Variants in ZFAND3 observed in about 807,000 individuals in gnomAD.
ZFAND3 encodes the protein zinc finger AN1-type containing 3, also known as AN1-type zinc finger protein 3.
A neutral mutation model predicts 29.6 loss-of-function variants in ZFAND3; 10 were observed. That is an observed-to-expected ratio of 0.34 (90% CI 0.21 to 0.57). ZFAND3 has a LOEUF of 0.57. Among genes scored for constraint, ZFAND3 ranks in the 20% least tolerant of loss-of-function variants. ZFAND3 has a pLI of 0.86. For missense variants in ZFAND3, 230 were observed against 304.5 expected, an observed-to-expected ratio of 0.76 and a Z score of 1.82; for synonymous variants, 128 against 112.6, an observed-to-expected ratio of 1.14 and a Z score of -0.87.
chr6:37,836,148 C>T (rs1293695127), intron 1 of ZFAND3, among the ~76,000 whole-genome samples: 1 of 152,174 alleles, frequency 6.6e-6, no homozygotes, highest in Non-Finnish European at 1.5e-5. Context: ...CAGTGATTCT[C>T]TGTGGGATAG....
chr6:38,080,364 A>C (rs1764637870), intron 3 of ZFAND3, among the ~76,000 whole-genome samples: 1 of 152,116 alleles, frequency 6.6e-6, no homozygotes, highest in South Asian at 2.1e-4. Flanking sequence ...AGTTCGCAGT[A>C]GTCACTTAAT....
At position 37,941,797 on chromosome 6, in the gene ZFAND3, C is replaced by T. The variant is rs894935904; in HGVS notation, c.112+11798C>T. 7.9e-5 allele frequency among the ~76,000 whole-genome samples: 12 copies of T among 152,292 alleles called. No homozygotes were observed. The East Asian group carries it at 2.3e-3, about 29-fold the overall frequency. On this transcript the variant is annotated intron_variant, in intron 2 of 5. Coordinates refer to ENST00000287218, the MANE Select transcript of ZFAND3 (RefSeq NM_021943.3). ...CAGTTGGTACTCCCGTTCTCTCATA[C>T]ATGTGTGCATAATAATAGTATGGAA...
chr6:37,820,126 C>T (rs2127361724), intron 1 of ZFAND3, 110 bp downstream of exon 1: 2 of 809,112 alleles, frequency 2.5e-6, no homozygotes, highest in South Asian at 1.2e-4. Context: ...AGGCTGGGCC[C>T]AGCCCGGGCC....
At chr6:37,836,185 G>T (rs1763964625) in intron 1 of ZFAND3, among the ~76,000 whole-genome samples, 1 of 152,162 alleles carries the variant, frequency 6.6e-6, no homozygotes, top group South Asian at 2.1e-4. Context: ...ATCACTTCGG[G>T]AGTCTTTTCT....
chr6:37,850,068 A>G (rs1272740263), intron 1 of ZFAND3, among the ~76,000 whole-genome samples: 1 of 152,162 alleles, frequency 6.6e-6, no homozygotes, highest in Non-Finnish European at 1.5e-5. Flanking sequence ...AGAACATTCC[A>G]TTCATCCTGG....
At chr6:38,115,946 G>A (rs1390467082) in intron 4 of ZFAND3, among the ~76,000 whole-genome samples, 1 of 152,170 alleles carries the variant, frequency 6.6e-6, no homozygotes, top group African/African-American at 2.4e-5. Flanking sequence ...AGGGCAGCTT[G>A]CATGTGTACC....
intron 2 of ZFAND3, among the ~76,000 whole-genome samples, chr6:37,957,100 C>T (rs191973361): frequency 6.6e-6 from 1 of 152,292 alleles, no homozygotes; most frequent in East Asian, 1.9e-4. Flanking sequence ...CTCTTCAGCT[C>T]TGGTGTGGTC....
intron 2 of ZFAND3, among the ~76,000 whole-genome samples, chr6:38,029,771 C>T (rs778112043): frequency 6.6e-5 from 10 of 152,054 alleles, no homozygotes; most frequent in Non-Finnish European, 1.5e-4. Context: ...TGTGAAGTAA[C>T]GGCAATCCTC....
intron 2 of ZFAND3, among the ~76,000 whole-genome samples, chr6:37,959,777 T>G (rs1156425368): frequency 6.6e-6 from 1 of 152,202 alleles, no homozygotes; most frequent in Non-Finnish European, 1.5e-5. Flanking sequence ...GATCCAGAAT[T>G]AAATTAAGAC....
intron 2 of ZFAND3, among the ~76,000 whole-genome samples, chr6:38,018,747 T>C (rs766060023): frequency 3.9e-5 from 6 of 152,306 alleles, no homozygotes; most frequent in African/African-American, 1.4e-4. Flanking sequence ...TCTCCAGTTA[T>C]TATTTGTGTA....
chr6:37,915,313 G>C (rs923184129), intron 1 of ZFAND3, among the ~76,000 whole-genome samples: 1 of 152,106 alleles, frequency 6.6e-6, no homozygotes, highest in Non-Finnish European at 1.5e-5. Flanking sequence ...CTGCATATTC[G>C]TATGTTCACT....
intron 4 of ZFAND3, among the ~76,000 whole-genome samples, chr6:38,091,136 G>T (rs1746590249): frequency 6.6e-6 from 1 of 152,174 alleles, no homozygotes; most frequent in Non-Finnish European, 1.5e-5. Flanking sequence ...AAATAAAAAT[G>T]CACTCTAGTA....
intron 1 of ZFAND3, among the ~76,000 whole-genome samples, chr6:37,843,257 A>G (rs1006030697): frequency 1.3e-5 from 2 of 151,990 alleles, no homozygotes; most frequent in South Asian, 4.1e-4. Flanking sequence ...AGGCTGAGGC[A>G]GGTGGATCAC....
At chr6:38,101,307 C>T (rs1212709229) in intron 4 of ZFAND3, among the ~76,000 whole-genome samples, 1 of 152,140 alleles carries the variant, frequency 6.6e-6, no homozygotes, top group Non-Finnish European at 1.5e-5. Flanking sequence ...ACGTTGTACA[C>T]ACTTAGTAGT....
chr6:37,922,212 A>G (rs1397646512), intron 1 of ZFAND3, among the ~76,000 whole-genome samples: 5 of 152,214 alleles, frequency 3.3e-5, no homozygotes, highest in African/African-American at 1.2e-4. Context: ...CCTTCTCAGA[A>G]TCAGTCTTAA....
Position 37,950,195 on chromosome 6 carries a change from A to G in ZFAND3, c.112+20196A>G, listed in dbSNP as rs540126007. On this transcript the variant is annotated intron_variant, in intron 2 of 5. Transcript: ENST00000287218. ...TGTTGCAATTGCTTTTACAGTCTGC[A>G]TGAAATCTAGGTTTTCTTCTGGGTT... 1.8e-3 allele frequency among the ~76,000 whole-genome samples: 268 copies of G among 152,312 alleles called. 1 individual carries two copies. Among genetic ancestry groups the G allele is most frequent in the Non-Finnish European group, 3.2e-3 (217 of 68,026 alleles).
chr6:37,826,376 A>G (rs904687799), intron 1 of ZFAND3, among the ~76,000 whole-genome samples: 14 of 152,318 alleles, frequency 9.2e-5, no homozygotes, highest in African/African-American at 3.1e-4. Flanking sequence ...CTGTGTAACA[A>G]GATTACATTG....
At chr6:37,851,965 A>G (rs1764289772) in intron 1 of ZFAND3, among the ~76,000 whole-genome samples, 1 of 152,226 alleles carries the variant, frequency 6.6e-6, no homozygotes, top group Admixed American at 6.5e-5. Flanking sequence ...TAAAGTGTTC[A>G]TCTTAGGCAT....
chr6:38,114,199 C>T (rs986263601), intron 4 of ZFAND3, among the ~76,000 whole-genome samples: 2 of 152,004 alleles, frequency 1.3e-5, no homozygotes, highest in African/African-American at 4.8e-5. Flanking sequence ...CTAGAATTTT[C>T]TTGTTACAAA....
Sources: allele counts gnomAD v4.1 joint callset (sites outside exome capture counted in the v4.1 genomes callset), GRCh38; gene constraint gnomAD v4.1.1; transcripts MANE v1.5; gene names NCBI Gene and HGNC (gene_info 2026-07-23, HGNC 2026-07-21).